Variants in CFAP44 observed in about 807,000 individuals in gnomAD.
The protein encoded by CFAP44 is cilia and flagella associated protein 44.
A neutral mutation model predicts 216.2 loss-of-function variants in CFAP44; 134 were observed. That is an observed-to-expected ratio of 0.62 (90% CI 0.54 to 0.72). The LOEUF is 0.72. Among genes scored for constraint, CFAP44 ranks in the 30% least tolerant of loss-of-function variants. The pLI, the probability that CFAP44 is intolerant of heterozygous loss-of-function variation, is 0.00. For synonymous variants in CFAP44, 700 were observed against 727.6 expected (o/e 0.96, Z 0.61); for missense variants, 2,035 against 2,182.1 (o/e 0.93, Z 1.34).
chr3:113,366,417 A>C, intron 18 of CFAP44, 108 bp from the exon 19 acceptor site: 1 of 1,321,504 alleles, frequency 7.6e-7, no homozygotes, highest in Non-Finnish European at 1.0e-6. Context: ...TTATGGACTG[A>C]ATTGTACACC....
In CFAP44 at chr3:113,372,120, C is replaced by T. The variant is rs1384381141; in HGVS notation, c.2444+1291G>A. Among the ~76,000 whole-genome samples, 3 of 152,326 alleles carry T rather than the reference C, an allele frequency of 2.0e-5. No homozygotes were observed. In the East Asian group the frequency reaches 5.8e-4, roughly 29 times the overall value. The stretch of plus-strand genomic sequence containing the variant: ...ATGTGGAGAAATAGGAATGCTTTTA[C>T]ACTGCTGGTGGGAATGTAAATTAGT... On this transcript the variant is annotated intron_variant, in intron 18 of 34. Transcript: ENST00000393845.
At chr3:113,372,279 C>T (rs1272620313) in intron 18 of CFAP44, among the ~76,000 whole-genome samples, 15 of 152,152 alleles carry the variant, frequency 9.9e-5, no homozygotes, top group Admixed American at 5.2e-4. Flanking sequence ...CACATGCATA[C>T]GTATGTTTAT....
chr3:113,426,313 G>T (rs766985372), intron 3 of CFAP44, 36 bp from the exon 4 acceptor site: 2 of 1,601,692 alleles, frequency 1.2e-6, no homozygotes, highest in South Asian at 2.2e-5. Context: ...GAGTGATATG[G>T]TTTGGCTGTG....
intron 19 of CFAP44, 121 bp downstream of exon 19, chr3:113,365,918 G>T: frequency 9.0e-7 from 1 of 1,112,742 alleles, no homozygotes; most frequent in Non-Finnish European, 1.3e-6. Context: ...GTAGCAGGAA[G>T]ATTAGACCAT....
chr3:113,310,793 G>A (rs530494237), intron 28 of CFAP44, among the ~76,000 whole-genome samples: 1 of 152,270 alleles, frequency 6.6e-6, no homozygotes, highest in East Asian at 1.9e-4. Flanking sequence ...CATCATGAGA[G>A]CTGGTTGTTT....
intron 17 of CFAP44, among the ~76,000 whole-genome samples, chr3:113,377,476 G>A (rs1933378889): frequency 6.6e-6 from 1 of 152,040 alleles, no homozygotes. Context: ...CAGATAAAAT[G>A]CCTAACATTT....
At chr3:113,363,982 T>C (rs538540287) in intron 19 of CFAP44, among the ~76,000 whole-genome samples, 14 of 152,116 alleles carry the variant, frequency 9.2e-5, no homozygotes, top group Non-Finnish European at 1.9e-4. Context: ...ACATTTTAAG[T>C]AAGCATTTTA....
intron 15 of CFAP44, among the ~76,000 whole-genome samples, chr3:113,388,155 TG>T (rs1483630183): frequency 1.3e-5 from 2 of 152,070 alleles, no homozygotes; most frequent in Non-Finnish European, 2.9e-5. Context: ...CTTCACCACC[TG>T]CTGACTGTAG....
chr3:113,389,761 T>A (rs1933743788), intron 15 of CFAP44, among the ~76,000 whole-genome samples: 2 of 151,928 alleles, frequency 1.3e-5, no homozygotes, highest in African/African-American at 4.8e-5. Context: ...CTTGAAGAAA[T>A]AGTAAAATTC....
At chr3:113,305,726 G>A (rs1272782393) in intron 30 of CFAP44, among the ~76,000 whole-genome samples, 1 of 152,130 alleles carries the variant, frequency 6.6e-6, no homozygotes, top group African/African-American at 2.4e-5. Context: ...AGCAGATTAA[G>A]GCAGAAATTG....
At chr3:113,436,763 T>C (rs1057000157) in intron 1 of CFAP44, among the ~76,000 whole-genome samples, 1 of 152,270 alleles carries the variant, frequency 6.6e-6, no homozygotes, top group Non-Finnish European at 1.5e-5. Flanking sequence ...TGCTAATCAA[T>C]TGATAACTAA....
chr3:113,411,582 T>C (rs1033353854), intron 6 of CFAP44, among the ~76,000 whole-genome samples: 3 of 152,262 alleles, frequency 2.0e-5, no homozygotes, highest in African/African-American at 7.2e-5. Flanking sequence ...GGTAGCATGA[T>C]ACCTCCAGCT....
chr3:113,362,009 G>T (rs1218436876), intron 21 of CFAP44, among the ~76,000 whole-genome samples: 7 of 151,478 alleles, frequency 4.6e-5, no homozygotes, highest in African/African-American at 1.2e-4. Context: ...CACACTGAAG[G>T]TTCCTCAAGG....
At chr3:113,308,576 ATTTTTTTTTC>A (rs1179777090) in intron 28 of CFAP44, among the ~76,000 whole-genome samples, 2 of 150,800 alleles carry the variant, frequency 1.3e-5, no homozygotes, top group African/African-American at 4.9e-5. Flanking sequence ...TCAGACAAAA[ATTTTTTTTTC>A]TTTTTTTTTT....
Position 113,433,645 on chromosome 3 carries a change from T to C in CFAP44, c.20A>G (p.Gln7Arg), listed in dbSNP as rs753873448. The C allele has an allele frequency of 1.9e-6, 3 of 1,613,226 alleles. No homozygotes were observed. The highest frequency in any genetic ancestry group is 2.5e-6 in the Non-Finnish European group (3 of 1,179,812). Residue 7 changes from glutamine (Q) to arginine (R), a missense_variant, in exon 2 of 35, where the codon CAG becomes CGG. Gln to Arg is a conservative substitution (Grantham distance 43). This residue lies in a region of CFAP44 where 149 missense variants were observed against 141.8 expected (regional missense o/e 1.05). Coordinates refer to ENST00000393845, the MANE Select transcript of CFAP44 (RefSeq NM_001164496.2). ...AACTGATTTCTCCCCATCAGTATCC[T>C]GATCATCTGGTTCCTTCATTTCCTC... MKEPDD[Q>R]DTDGEKSVTS...
At chr3:113,436,149 G>A (rs921371529) in intron 1 of CFAP44, among the ~76,000 whole-genome samples, 5 of 152,164 alleles carry the variant, frequency 3.3e-5, no homozygotes, top group Non-Finnish European at 7.4e-5. Flanking sequence ...GCAGTCTAGT[G>A]TGTTGGCCAG....
At chr3:113,389,234 A>G (rs1038135874) in intron 15 of CFAP44, among the ~76,000 whole-genome samples, 1 of 152,190 alleles carries the variant, frequency 6.6e-6, no homozygotes. Flanking sequence ...TGGAAACTAC[A>G]TGAACTCACA....
At chr3:113,298,237 C>T (rs1251254740) in intron 32 of CFAP44, among the ~76,000 whole-genome samples, 1 of 152,236 alleles carries the variant, frequency 6.6e-6, no homozygotes, top group Non-Finnish European at 1.5e-5. Context: ...TTCTCCTATG[C>T]TGAAGAGGCC....
intron 8 of CFAP44, among the ~76,000 whole-genome samples, chr3:113,406,571 C>T (rs1018401970): frequency 8.6e-5 from 13 of 150,458 alleles, no homozygotes; most frequent in Non-Finnish European, 1.9e-4. Flanking sequence ...TTGCAGTGAG[C>T]GGAGATCGCG....
Sources: allele counts gnomAD v4.1 joint callset (sites outside exome capture counted in the v4.1 genomes callset), GRCh38; gene constraint gnomAD v4.1.1; regional missense constraint gnomAD v4.1.1; transcripts MANE v1.5; gene names NCBI Gene and HGNC (gene_info 2026-07-23, HGNC 2026-07-21).